MCTP1: variants seen among roughly 807,000 people sequenced by gnomAD.
MCTP1 encodes multiple C2 and transmembrane domain-containing protein 1.
A neutral mutation model predicts 120.6 loss-of-function variants in MCTP1; 69 were observed. The observed-to-expected ratio is 0.57, with a 90% CI of 0.47 to 0.70. MCTP1 has a LOEUF of 0.70. Ranked by LOEUF, MCTP1 falls within the 30% of genes least tolerant of loss-of-function variation. The pLI is 0.00. For synonymous variants in MCTP1, 529 were observed against 493.1 expected (o/e 1.07, Z -0.96); for missense variants, 1,203 against 1,248.8 (o/e 0.96, Z 0.55).
At chr5:95,051,942 T>C (rs1746033668) in intron 1 of MCTP1, among the ~76,000 whole-genome samples, 1 of 152,120 alleles carries the variant, frequency 6.6e-6, no homozygotes, top group African/African-American at 2.4e-5. Flanking sequence ...ACTATGCTTA[T>C]TACTGGGGTC....
At chr5:94,919,722 T>A (rs949009803) in intron 7 of MCTP1, among the ~76,000 whole-genome samples, 3 of 152,148 alleles carry the variant, frequency 2.0e-5, no homozygotes, top group Admixed American at 6.5e-5. Flanking sequence ...TGTGGAGCAA[T>A]TAGCTCAATC....
At chr5:95,128,899 T>C (rs1758827504) in intron 1 of MCTP1, among the ~76,000 whole-genome samples, 1 of 152,080 alleles carries the variant, frequency 6.6e-6, no homozygotes, top group Non-Finnish European at 1.5e-5. Context: ...ACAATAACAA[T>C]GTAAAGTGGC....
intron 10 of MCTP1, among the ~76,000 whole-genome samples, chr5:94,902,686 T>C (rs2153422406): frequency 6.6e-6 from 1 of 152,338 alleles, no homozygotes. Flanking sequence ...AGATTCAATA[T>C]GTAGCTGCTG....
chr5:94,954,190 A>T (rs1227377895), intron 2 of MCTP1, among the ~76,000 whole-genome samples: 1 of 134,082 alleles, frequency 7.5e-6, no homozygotes, highest in Non-Finnish European at 1.6e-5. Flanking sequence ...ATGCATATAT[A>T]TATATATATA....
At chr5:94,818,093 G>C (rs1014102578) in intron 17 of MCTP1, among the ~76,000 whole-genome samples, 2 of 152,162 alleles carry the variant, frequency 1.3e-5, no homozygotes. Context: ...CTGAACAAAA[G>C]CTAGAAGAAG....
chr5:95,022,223 C>T (rs959557344), intron 1 of MCTP1, among the ~76,000 whole-genome samples: 6 of 152,192 alleles, frequency 3.9e-5, no homozygotes, highest in Admixed American at 3.9e-4. Flanking sequence ...TCTACCATTA[C>T]TTTCAATGCA....
rs1297956683 is a variant in MCTP1, at chr5:94,726,164, C to G, written c.2611-11278G>C. Among the ~76,000 whole-genome samples, 3 of 152,238 alleles carry G rather than the reference C, an allele frequency of 2.0e-5. No homozygotes were observed. The East Asian group carries it at 5.8e-4, about 29-fold the overall frequency. On this transcript the variant is annotated intron_variant, in intron 19 of 22. Transcript: ENST00000515393. ...CTAAAGATCCCCCTCAAACTTCTGC[C>G]TCAATTTGTGCTCACTCTCCTTGGG...
At chr5:94,991,938 T>C (rs1581731654) in intron 2 of MCTP1, among the ~76,000 whole-genome samples, 1 of 152,132 alleles carries the variant, frequency 6.6e-6, no homozygotes, top group Admixed American at 6.6e-5. Flanking sequence ...ATGGGAAATA[T>C]CCTCAACATC....
At chr5:95,164,163 A>G (rs1746058810) in intron 1 of MCTP1, among the ~76,000 whole-genome samples, 1 of 152,120 alleles carries the variant, frequency 6.6e-6, no homozygotes, top group African/African-American at 2.4e-5. Flanking sequence ...AAATAGATTG[A>G]GGTTTTTTCC....
chr5:94,787,685 C>T (rs576196718), intron 18 of MCTP1, among the ~76,000 whole-genome samples: 2 of 151,230 alleles, frequency 1.3e-5, no homozygotes, highest in Non-Finnish European at 2.9e-5. Context: ...GGCGCGATCT[C>T]GGCTCACTGC....
At chr5:94,862,682 A>G (rs528014802) in intron 17 of MCTP1, among the ~76,000 whole-genome samples, 10 of 151,946 alleles carry the variant, frequency 6.6e-5, no homozygotes, top group Middle Eastern at 3.4e-3. Context: ...GGGGCCTTTT[A>G]TATAATTGCA....
chr5:95,181,725 G>A (rs1392650613), intron 1 of MCTP1, among the ~76,000 whole-genome samples: 2 of 152,124 alleles, frequency 1.3e-5, no homozygotes, highest in African/African-American at 2.4e-5. Context: ...CAGTTCTCAT[G>A]GTAGATTAAC....
chr5:95,250,941 T>G (rs578086625), intron 1 of MCTP1, among the ~76,000 whole-genome samples: 1 of 152,300 alleles, frequency 6.6e-6, no homozygotes, highest in East Asian at 1.9e-4. Context: ...AAGAATAGCT[T>G]ATTTTATTCA....
intron 1 of MCTP1, among the ~76,000 whole-genome samples, chr5:95,195,328 G>C (rs954408690): frequency 3.3e-5 from 5 of 152,148 alleles, no homozygotes; most frequent in African/African-American, 1.2e-4. Flanking sequence ...CCCAGAGAAG[G>C]TCAGAGGGAA....
chr5:94,875,840 A>G, intron 12 of MCTP1, among the ~76,000 whole-genome samples: 1 of 152,064 alleles, frequency 6.6e-6, no homozygotes, highest in East Asian at 1.9e-4. Flanking sequence ...GTTTAGGTTA[A>G]GGAGAAAGCA....
At chr5:94,891,744 GT>G (rs1234083555) in intron 11 of MCTP1, among the ~76,000 whole-genome samples, 3 of 134,278 alleles carry the variant, frequency 2.2e-5, no homozygotes, top group African/African-American at 9.1e-5. Flanking sequence ...ATAATAAGAA[GT>G]AAAAATAAAT....
intron 2 of MCTP1, among the ~76,000 whole-genome samples, chr5:94,968,935 TTTG>T (rs1197528540): frequency 1.3e-5 from 2 of 152,192 alleles, no homozygotes; most frequent in Non-Finnish European, 1.5e-5. Context: ...AAATTCAGAT[TTTG>T]TTATTAATGT....
chr5:95,077,500 T>G (rs1753862831), intron 1 of MCTP1, among the ~76,000 whole-genome samples: 1 of 151,046 alleles, frequency 6.6e-6, no homozygotes, highest in Non-Finnish European at 1.5e-5. Flanking sequence ...TGAGACGGAG[T>G]CCCACTCTGT....
intron 1 of MCTP1, among the ~76,000 whole-genome samples, chr5:95,216,797 A>G (rs909223523): frequency 6.6e-6 from 1 of 152,210 alleles, no homozygotes; most frequent in Non-Finnish European, 1.5e-5. Flanking sequence ...TTTCTCTTCA[A>G]TCTAAACTGT....
Sources: allele counts gnomAD v4.1 joint callset (sites outside exome capture counted in the v4.1 genomes callset), GRCh38; gene constraint gnomAD v4.1.1; transcripts MANE v1.5; gene names NCBI Gene and HGNC (gene_info 2026-07-23, HGNC 2026-07-21).